Variants in ST3GAL1 observed in about 807,000 individuals in gnomAD.
ST3GAL1 encodes ST3 beta-galactoside alpha-2,3-sialyltransferase 1.
A neutral mutation model predicts 34.1 loss-of-function variants in ST3GAL1; 16 were observed. The observed-to-expected ratio is 0.47, with a 90% CI of 0.32 to 0.71. ST3GAL1 has a LOEUF of 0.71. ST3GAL1 is among the 30% of genes least tolerant of loss of function. The probability of loss-of-function intolerance (pLI) is 0.04; values close to 1 mark genes in which losing one functional copy is unlikely to be tolerated. For synonymous variants in ST3GAL1, 191 were observed against 184.7 expected, an observed-to-expected ratio of 1.03 and a Z score of -0.28; for missense variants, 353 against 447.4, an observed-to-expected ratio of 0.79 and a Z score of 1.90.
chr8:133,548,714 T>C (rs1329895656), intron 1 of ST3GAL1, among the ~76,000 whole-genome samples: 1 of 152,222 alleles, frequency 6.6e-6, no homozygotes, highest in African/African-American at 2.4e-5. Context: ...TCTTCATTCA[T>C]TCTCTCATTT....
Position 133,481,487 on chromosome 8 carries a change from C to T in ST3GAL1, c.-373-4887G>A, listed in dbSNP as rs113799506. ...TTTGTTTGGGTTTTTTTGTTGTTGT[C>T]ATTGTTGTTGTTGTGTTTTTGGTTT... On this transcript the variant is annotated intron_variant, in intron 3 of 9. Transcript: ENST00000522652. Among the ~76,000 whole-genome samples the T allele has an allele frequency of 4.1e-3, 623 of 151,884 alleles. 4 individuals are homozygous for T. The highest frequency in any genetic ancestry group is 0.014 in the African/African-American group (588 of 41,418).
intron 2 of ST3GAL1, chr8:133,539,651 C>T (rs1818410244): frequency 6.6e-6 from 1 of 152,148 alleles, no homozygotes; most frequent in South Asian, 2.1e-4. Context: ...AATCCCAACG[C>T]TTTAGGAGGC....
chr8:133,568,941 G>C (rs1235100791), intron 1 of ST3GAL1, among the ~76,000 whole-genome samples: 1 of 152,202 alleles, frequency 6.6e-6, no homozygotes, highest in African/African-American at 2.4e-5. Flanking sequence ...AGCCAATGCT[G>C]TGAGCGCCAC....
At chr8:133,518,710 C>G (rs1817714964) in intron 2 of ST3GAL1, among the ~76,000 whole-genome samples, 1 of 152,180 alleles carries the variant, frequency 6.6e-6, no homozygotes, top group Non-Finnish European at 1.5e-5. Flanking sequence ...ACTCTAAAAC[C>G]CAAAAGCTAC....
chr8:133,474,498 A>C (rs80130941), intron 5 of ST3GAL1, among the ~76,000 whole-genome samples: 2,019 of 152,310 alleles, frequency 0.013, 12 homozygotes, highest in Admixed American at 0.018. Context: ...CAGATCATGA[A>C]ACCCCCTGAC....
chr8:133,563,635 C>T (rs978638845), intron 1 of ST3GAL1, among the ~76,000 whole-genome samples: 2 of 152,222 alleles, frequency 1.3e-5, no homozygotes. Flanking sequence ...ACACTGTAGT[C>T]CAGTTCACTC....
intron 2 of ST3GAL1, among the ~76,000 whole-genome samples, chr8:133,538,850 A>G (rs1818383460): frequency 6.6e-6 from 1 of 152,238 alleles, no homozygotes; most frequent in Admixed American, 6.5e-5. Flanking sequence ...GGGAGGCAGC[A>G]AGGGGACTGG....
rs141826261 is a variant in ST3GAL1, at chr8:133,490,443, G to A, written c.-374+8692C>T. Among the ~76,000 whole-genome samples, 21 of 152,348 alleles carry A rather than the reference G, an allele frequency of 1.4e-4. No individual in the cohort carries two copies. The East Asian group carries it at 2.9e-3, about 21-fold the overall frequency. On this transcript the variant is annotated intron_variant, in intron 3 of 9. Coordinates refer to ENST00000522652, the MANE Select transcript of ST3GAL1 (RefSeq NM_173344.3). ...GGATCTAGCCCAGGGCAGTTCACAC[G>A]CATAAATCTGCTCAGGAGGAACCAG...
Position 133,461,211 on chromosome 8 carries a change from G to C in ST3GAL1, c.849+664C>G, listed in dbSNP as rs1049504504. 6.6e-6 allele frequency among the ~76,000 whole-genome samples: 1 copy of C among 152,162 alleles called. No homozygotes were observed. The highest frequency in any genetic ancestry group is 1.5e-5 in the Non-Finnish European group (1 of 68,012). Reference sequence around the variant, plus strand: ...AGGCACCAGGCAGGGTGGGGCTGGGGCTGGGCTGAATGAGACAAGAAGGGA... The same window carrying C: ...AGGCACCAGGCAGGGTGGGGCTGGGCCTGGGCTGAATGAGACAAGAAGGGA... On this transcript the variant is annotated intron_variant, in intron 9 of 9. Transcript: ENST00000522652. This position sits in a 1 kb window ranked among gnomAD's most constrained non-coding sequence, Gnocchi z 4.7.
At chr8:133,507,504 G>A (rs1241468913) in intron 2 of ST3GAL1, among the ~76,000 whole-genome samples, 2 of 152,170 alleles carry the variant, frequency 1.3e-5, no homozygotes, top group South Asian at 2.1e-4. Flanking sequence ...TGCCAGCCAC[G>A]GCTTCCACCT....
chr8:133,464,682 C>A (rs1345465041), intron 7 of ST3GAL1, 96 bp downstream of exon 7: 1 of 1,415,232 alleles, frequency 7.1e-7, no homozygotes, highest in South Asian at 1.4e-5. Flanking sequence ...AGGGGAGGCA[C>A]CCCGGTGGAG....
At chr8:133,477,511 A>G (rs796522746) in intron 3 of ST3GAL1, among the ~76,000 whole-genome samples, 1 of 143,518 alleles carries the variant, frequency 7.0e-6, no homozygotes, top group South Asian at 2.4e-4. Context: ...CAGTCCTCTG[A>G]TTCCTTACAT....
chr8:133,486,498 T>C (rs1315517327), intron 3 of ST3GAL1, among the ~76,000 whole-genome samples: 2 of 152,060 alleles, frequency 1.3e-5, no homozygotes, highest in African/African-American at 4.8e-5. Flanking sequence ...CTCCCCTGGG[T>C]CAGGAAGGAT....
chr8:133,459,639 G>C lies in ST3GAL1; in HGVS notation c.*125C>G, dbSNP rs1815421384. The C allele has an allele frequency of 7.9e-7, 1 of 1,262,312 alleles. No homozygotes were observed. Among genetic ancestry groups the C allele is most frequent in the East Asian group, 2.5e-5 (1 of 39,484 alleles). The allele number at this position is 1,262,312 out of a possible 1,614,324, so 78.2% of individuals were successfully genotyped here. On this transcript the variant is annotated 3_prime_UTR_variant, in exon 10 of 10. Transcript: ENST00000522652. This position sits in a 1 kb window ranked among gnomAD's most constrained non-coding sequence, Gnocchi z 4.7. ...CCAACGGCTGGGTGCAAGAGGCTGT[G>C]AGCGGTGCCCAGGCACACACCTGAG...
chr8:133,508,817 C>T lies in ST3GAL1; in HGVS notation c.-428-9628G>A, dbSNP rs965675070. Among the ~76,000 whole-genome samples, 1 of 152,052 alleles carries T rather than the reference C, an allele frequency of 6.6e-6. No individual in the cohort carries two copies. Among genetic ancestry groups the T allele is most frequent in the Admixed American group, 6.5e-5 (1 of 15,270 alleles). On this transcript the variant is annotated intron_variant, in intron 2 of 9. Transcript: ENST00000522652. This position sits in a 1 kb window ranked among gnomAD's most constrained non-coding sequence, Gnocchi z 4.1. The stretch of plus-strand genomic sequence containing the variant: ...CCTCTCTGAAAGCTTGTGCATCATA[C>T]AAAACAGTGCAGATAATGGTAAATG...
At chr8:133,479,756 G>A (rs1816314016) in intron 3 of ST3GAL1, among the ~76,000 whole-genome samples, 1 of 152,106 alleles carries the variant, frequency 6.6e-6, no homozygotes, top group African/African-American at 2.4e-5. Flanking sequence ...TCTCCTCTGG[G>A]GCATCCTGCA....
chr8:133,558,410 C>T (rs956890066), intron 1 of ST3GAL1, among the ~76,000 whole-genome samples: 4 of 152,150 alleles, frequency 2.6e-5, no homozygotes, highest in East Asian at 1.9e-4. Context: ...CTGAAGGACA[C>T]GCAGTTAGGC....
chr8:133,551,453 T>C (rs1474288399), intron 1 of ST3GAL1, among the ~76,000 whole-genome samples: 4 of 128,356 alleles, frequency 3.1e-5, no homozygotes, highest in Non-Finnish European at 6.6e-5. Flanking sequence ...GGCAACAGAG[T>C]GAGGAAAAGA....
chr8:133,463,575 C>T (rs1586583092), intron 7 of ST3GAL1, 116 bp from the exon 8 acceptor site: 1 of 1,139,032 alleles, frequency 8.8e-7, no homozygotes, highest in Non-Finnish European at 1.3e-6. Context: ...TCTCCTGCCC[C>T]CCATAGCTTC....
Sources: gnomAD v4.1 joint callset for allele counts (sites outside exome capture counted in the v4.1 genomes callset) on GRCh38, gnomAD v4.1.1 for gene constraint, Gnocchi (gnomAD v3.1) non-coding constraint, MANE v1.5 for transcripts, NCBI Gene and HGNC (gene_info 2026-07-23, HGNC 2026-07-21) for gene names.